Variants in UBE2D3 observed in about 807,000 individuals in gnomAD.
UBE2D3 encodes ubiquitin conjugating enzyme E2 D3.
Under a neutral mutation model 22.8 loss-of-function variants are expected in UBE2D3, and 2 were observed. The observed-to-expected ratio is 0.09, with a 90% confidence interval of 0.04 to 0.28. The LOEUF (loss-of-function observed/expected upper bound fraction) is 0.28, where lower values mean the gene tolerates loss of function less well. UBE2D3 is among the 10% of genes least tolerant of loss of function. The pLI is 1.00. For synonymous variants in UBE2D3, 56 were observed against 60.4 expected, an observed-to-expected ratio of 0.93 and a Z score of 0.34; for missense variants, 27 against 182.5, an observed-to-expected ratio of 0.15 and a Z score of 4.91.
chr4:102,837,755 T>G (rs1731493716), intron 1 of UBE2D3, among the ~76,000 whole-genome samples: 1 of 152,084 alleles, frequency 6.6e-6, no homozygotes, highest in Non-Finnish European at 1.5e-5. Context: ...ATCGAGACCA[T>G]CCTGGCTAAC....
At chr4:102,851,476 T>A (rs1732345547) in intron 1 of UBE2D3, among the ~76,000 whole-genome samples, 1 of 152,222 alleles carries the variant, frequency 6.6e-6, no homozygotes, top group Non-Finnish European at 1.5e-5. Context: ...TAAATCATGT[T>A]GTTTTAAGCC....
Position 102,795,689 on chromosome 4 carries a change from T to TA in UBE2D3, c.*1725dup, listed in dbSNP as rs1221690561. ...AATAAATCATGTCCAAACTACATAT[T>TA]AAAATGTTTATAAAAAGTAAGTTTT... is the stretch of plus-strand genomic sequence containing the variant. On this transcript the variant is annotated 3_prime_UTR_variant, in exon 8 of 8. Transcript: ENST00000453744. 1.1e-4 allele frequency: 16 copies of TA among 152,192 alleles called. No homozygotes were observed. Among genetic ancestry groups the TA allele is most frequent in the African/African-American group, 3.8e-4 (16 of 41,564 alleles). The allele number at this position is 152,192 out of a possible 1,614,324, so 9.4% of individuals were successfully genotyped here.
rs1204491554 is a variant in UBE2D3, at chr4:102,796,530, A to C, written c.*885T>G. ...GCAAATCCCAACAGTATATACAAAA[A>C]ACAGCTTTGCATTTACAAAAGATTG... On this transcript the variant is annotated 3_prime_UTR_variant, in exon 8 of 8. Coordinates refer to ENST00000453744, the MANE Select transcript of UBE2D3 (RefSeq NM_181891.3). The C allele has an allele frequency of 6.6e-6, 1 of 152,446 alleles. No homozygotes were observed. Among genetic ancestry groups the C allele is most frequent in the African/African-American group, 2.4e-5 (1 of 41,426 alleles). 9.4% of individuals were successfully genotyped at this position (152,446 alleles called of 1,614,324 possible). A position where few individuals can be genotyped will look rare whatever the true frequency, so the allele number is the denominator to read the frequency against.
chr4:102,854,083 T>C (rs1732515421), intron 1 of UBE2D3, among the ~76,000 whole-genome samples: 1 of 152,228 alleles, frequency 6.6e-6, no homozygotes, highest in South Asian at 2.1e-4. Flanking sequence ...TTGGATTTAT[T>C]ATTCTCTGAA....
upstream of UBE2D3, among the ~76,000 whole-genome samples, chr4:102,829,811 C>T (rs1218877381): frequency 1.3e-5 from 2 of 151,790 alleles, no homozygotes; most frequent in Non-Finnish European, 3.0e-5. Context: ...TAGTGGCGGG[C>T]GCCTGTAATC....
intron 7 of UBE2D3, among the ~76,000 whole-genome samples, chr4:102,798,295 T>TATATATATGC (rs796347600): frequency 6.8e-6 from 1 of 147,952 alleles, no homozygotes; most frequent in African/African-American, 2.5e-5. Context: ...TATATATATA[T>TATATATATGC]ATGCACAGGA....
chr4:102,816,960 T>TA (rs1728861696), intron 2 of UBE2D3, among the ~76,000 whole-genome samples: 1 of 152,128 alleles, frequency 6.6e-6, no homozygotes, highest in Non-Finnish European at 1.5e-5. Context: ...ATGCTTAAAA[T>TA]AAAGGGACTC....
chr4:102,809,524 T>C, intron 4 of UBE2D3, 148 bp downstream of exon 4: 1 of 853,018 alleles, frequency 1.2e-6, no homozygotes, highest in South Asian at 1.8e-5. Context: ...CTCATTATGT[T>C]TTTTCTTTCA....
intron 1 of UBE2D3, among the ~76,000 whole-genome samples, chr4:102,838,484 C>T (rs1463484321): frequency 6.6e-6 from 1 of 152,200 alleles, no homozygotes; most frequent in Non-Finnish European, 1.5e-5. Context: ...TACCAGCACA[C>T]TTGTGATGAC....
upstream of UBE2D3, among the ~76,000 whole-genome samples, chr4:102,829,799 C>T (rs531176932): frequency 2.0e-5 from 3 of 151,996 alleles, no homozygotes; most frequent in African/African-American, 4.8e-5. Context: ...ATTAGCTGGG[C>T]GTAGTGGCGG....
rs1223327148 is a variant in UBE2D3 at position 102,796,767 on chromosome 4, G to GT, written c.*647dup. ...ACAATTTAAATGAAAATTACAAAAT[G>GT]TTTGAGACCCTATTTTGGAATACAA... On this transcript the variant is annotated 3_prime_UTR_variant, in exon 8 of 8. Coordinates refer to ENST00000453744, the MANE Select transcript of UBE2D3 (RefSeq NM_181891.3). 6.6e-6 allele frequency: 1 copy of GT among 152,426 alleles called. No homozygotes were observed. The highest frequency in any genetic ancestry group is 1.5e-5 in the Non-Finnish European group (1 of 67,908). 9.4% of individuals were successfully genotyped at this position (152,426 alleles called of 1,614,324 possible).
chr4:102,837,717 C>A (rs1731489276), intron 1 of UBE2D3, among the ~76,000 whole-genome samples: 3 of 152,080 alleles, frequency 2.0e-5, no homozygotes, highest in South Asian at 4.1e-4. Context: ...TTTGGGAGGC[C>A]AAGGCGGGCG....
rs185618552 is a variant in UBE2D3 at position 102,859,877 on chromosome 4, G to A, written c.-129+8838C>T. The stretch of plus-strand genomic sequence containing the variant: ...TTTTTTTTTTTTGATATGGAGTCTC[G>A]CTCTGTCACCCAGGCTGGAGTGCAG... On this transcript the variant is annotated intron_variant, in intron 1 of 7. Coordinates refer to the UBE2D3 transcript ENST00000338145. Among the ~76,000 whole-genome samples the A allele has an allele frequency of 3.5e-3, 520 of 148,844 alleles. 4 individuals carry two copies. The highest frequency in any genetic ancestry group is 0.012 in the African/African-American group (490 of 40,488).
intron 2 of UBE2D3, chr4:102,819,580 A>C (rs1729265943): frequency 8.1e-6 from 8 of 985,290 alleles, no homozygotes; most frequent in Non-Finnish European, 9.6e-6. Flanking sequence ...AACCCTATTA[A>C]AGCGTAACGC....
At chr4:102,842,496 C>T (rs1731809852) in intron 1 of UBE2D3, among the ~76,000 whole-genome samples, 1 of 151,382 alleles carries the variant, frequency 6.6e-6, no homozygotes, top group Admixed American at 6.6e-5. Context: ...TTCAAAGTTG[C>T]AGTGAGCTAT....
intron 1 of UBE2D3, chr4:102,826,996 G>A: frequency 1.0e-6 from 1 of 997,086 alleles, no homozygotes; most frequent in Non-Finnish European, 1.2e-6. Context: ...GGGGGAGGGG[G>A]AAGCATAAGA....
chr4:102,818,394 C>T (rs1225300311), intron 2 of UBE2D3, among the ~76,000 whole-genome samples: 2 of 152,152 alleles, frequency 1.3e-5, no homozygotes, highest in African/African-American at 4.8e-5. Flanking sequence ...CAGACCTTCT[C>T]ACTGGAAAAA....
intron 2 of UBE2D3, among the ~76,000 whole-genome samples, chr4:102,822,007 T>TA (rs1354287699): frequency 1.3e-5 from 2 of 152,240 alleles, no homozygotes; most frequent in African/African-American, 2.4e-5. Flanking sequence ...TTTTAATAGA[T>TA]AGATTATAGC....
chr4:102,828,076 C>T, upstream of UBE2D3: 1 of 985,400 alleles, frequency 1.0e-6, no homozygotes, highest in Non-Finnish European at 1.2e-6. Context: ...TAAGTTCTCG[C>T]GAGACGCAGT....
Sources: allele counts gnomAD v4.1 joint callset (sites outside exome capture counted in the v4.1 genomes callset), GRCh38; gene constraint gnomAD v4.1.1; transcripts MANE v1.5; gene names NCBI Gene and HGNC (gene_info 2026-07-23, HGNC 2026-07-21).